The following C12orf43 variants were observed in gnomAD, a reference collection of about 807,000 sequenced individuals.
C12orf43 encodes the protein chromosome 12 open reading frame 43.
Under a neutral mutation model 20.6 loss-of-function variants are expected in C12orf43, and 15 were observed. The observed-to-expected ratio is 0.73, with a 90% CI of 0.49 to 1.12. C12orf43 has a LOEUF of 1.12. C12orf43 is among the 50% of genes most tolerant of loss of function. The probability of loss-of-function intolerance (pLI) is 0.00; values close to 1 mark genes in which losing one functional copy is unlikely to be tolerated. For missense variants in C12orf43, 334 were observed against 344.4 expected (o/e 0.97, Z 0.24); for synonymous variants, 144 against 130.8 (o/e 1.10, Z -0.69).
chr12:121,013,871 A>C (rs1868621641), intron 1 of C12orf43, among the ~76,000 whole-genome samples: 1 of 152,228 alleles, frequency 6.6e-6, no homozygotes, highest in Non-Finnish European at 1.5e-5. Flanking sequence ...ACCTTGGCCA[A>C]GTTATTTTAC....
rs1877763054 is a variant in C12orf43, at chr12:121,004,144, T to C, written c.*9A>G. 4.3e-6 allele frequency: 7 copies of C among 1,613,820 alleles called. No homozygotes were observed. Among genetic ancestry groups the C allele is most frequent in the Non-Finnish European group, 5.9e-6 (7 of 1,179,782 alleles). Reference sequence around the variant, plus strand: ...TGGAGCTGGCTGAGCCCTGTGCCCATGGCTGGGTTCAGTTTGCAGGTATAG... The same window carrying C: ...TGGAGCTGGCTGAGCCCTGTGCCCACGGCTGGGTTCAGTTTGCAGGTATAG... On this transcript the variant is annotated 3_prime_UTR_variant, in exon 6 of 6. Coordinates refer to ENST00000288757, the MANE Select transcript of C12orf43 (RefSeq NM_022895.3). This position sits in a 1 kb window ranked among gnomAD's most constrained non-coding sequence, Gnocchi z 5.6.
chr12:121,013,167 A>C (rs1868552194), intron 1 of C12orf43, among the ~76,000 whole-genome samples: 1 of 152,182 alleles, frequency 6.6e-6, no homozygotes, highest in African/African-American at 2.4e-5. Context: ...CAGAATGCTA[A>C]ACACGCCCCA....
chr12:121,006,583 C>T, intron 3 of C12orf43, 189 bp from the exon 4 acceptor site: 1 of 578,802 alleles, frequency 1.7e-6, no homozygotes. Flanking sequence ...AACTGCAGTG[C>T]TTCATTTCTT....
chr12:121,001,369 AC>A lies in C12orf43; in HGVS notation c.*2783del. On this transcript the variant is annotated 3_prime_UTR_variant, in exon 6 of 6. Transcript: ENST00000288757. ...AAAGGGAGGGCTCTGAGGCGCCCCA[AC>A]CCGTGGAGGCTGCTCGGGGTGCACA... 1.3e-6 allele frequency: 1 copy of A among 768,946 alleles called. No individual in the cohort carries two copies. Among genetic ancestry groups the A allele is most frequent in the Non-Finnish European group, 2.1e-6 (1 of 478,768 alleles). The allele number at this position is 768,946 out of a possible 1,614,324, so 47.6% of individuals were successfully genotyped here. A position where few individuals can be genotyped will look rare whatever the true frequency, so the allele number is the denominator to read the frequency against.
chr12:121,005,221 G>C lies in C12orf43; in HGVS notation c.362-128C>G. Reference sequence around the variant, plus strand: ...GAAAACGAAAGAAAGAAAAGATAAAGAGAAACAAAAAAAAAATTTTAAGAA... The same window carrying C: ...GAAAACGAAAGAAAGAAAAGATAAACAGAAACAAAAAAAAAATTTTAAGAA... On this transcript the variant is annotated intron_variant, in intron 4 of 5. Transcript: ENST00000288757. The surrounding 1 kb of genome is among the most constrained non-coding windows in gnomAD (Gnocchi z 5.6). The C allele has an allele frequency of 4.7e-5, 22 of 470,230 alleles. No homozygotes were observed. The highest frequency in any genetic ancestry group is 7.5e-5 in the East Asian group (2 of 26,790). 29.1% of individuals were successfully genotyped at this position (470,230 alleles called of 1,614,324 possible).
intron 2 of C12orf43, 35 bp from the exon 3 acceptor site, chr12:121,010,961 C>T (rs759358022): frequency 5.5e-5 from 88 of 1,610,242 alleles, no homozygotes; most frequent in Non-Finnish European, 6.8e-5. Context: ...ACTTCCTGCC[C>T]GCTCAGAAGC....
Position 121,000,784 on chromosome 12 carries a change from G to A in C12orf43, c.*3369C>T. On this transcript the variant is annotated 3_prime_UTR_variant, in exon 6 of 6. Transcript: ENST00000288757. ...CTAGATTAGTGTTTGACTCAGCCTA[G>A]CCAAGCCAACACGTACAACTACCTA... 2.1e-6 allele frequency: 1 copy of A among 481,714 alleles called. No individual in the cohort carries two copies. Among genetic ancestry groups the A allele is most frequent in the Non-Finnish European group, 3.8e-6 (1 of 260,132 alleles). 29.8% of individuals were successfully genotyped at this position (481,714 alleles called of 1,614,324 possible).
Position 121,002,385 on chromosome 12 carries a change from A to C in C12orf43, c.*1768T>G, listed in dbSNP as rs993023654. ...CTGCTGAGAACCTGGCCTTCAGTGT[A>C]CCGCGTCTACCCTGGGATTCAGGAA... On this transcript the variant is annotated 3_prime_UTR_variant, in exon 6 of 6. Transcript: ENST00000288757. 5.2e-5 allele frequency: 27 copies of C among 518,864 alleles called. No homozygotes were observed. Among genetic ancestry groups the C allele is most frequent in the Non-Finnish European group, 8.9e-5 (24 of 269,668 alleles). 32.1% of individuals were successfully genotyped at this position (518,864 alleles called of 1,614,324 possible). A position where few individuals can be genotyped will look rare whatever the true frequency, so the allele number is the denominator to read the frequency against.
Position 121,001,193 on chromosome 12 carries a change from C to T in C12orf43, c.*2960G>A. 1 of 1,614,004 alleles carries T rather than the reference C, an allele frequency of 6.2e-7. No homozygotes were observed. The highest frequency in any genetic ancestry group is 8.5e-7 in the Non-Finnish European group (1 of 1,179,974). On this transcript the variant is annotated 3_prime_UTR_variant, in exon 6 of 6. Transcript: ENST00000288757. Reference sequence around the variant, plus strand: ...CCAGATGGCCTCTTCCTCCCAGTAACCACGGCACCTGGGCCCTGGGGCCTG... The same window carrying T: ...CCAGATGGCCTCTTCCTCCCAGTAATCACGGCACCTGGGCCCTGGGGCCTG...
chr12:121,011,396 T>C (rs1311055216), intron 1 of C12orf43, among the ~76,000 whole-genome samples: 4 of 148,170 alleles, frequency 2.7e-5, no homozygotes, highest in Non-Finnish European at 5.9e-5. Context: ...ACATTATATA[T>C]ATATATATCT....
chr12:121,011,313 A>G (rs569816200), intron 1 of C12orf43, among the ~76,000 whole-genome samples, 167 bp from the exon 2 acceptor site: 21 of 149,030 alleles, frequency 1.4e-4, no homozygotes, highest in African/African-American at 5.1e-4. Flanking sequence ...ATAGTTATAT[A>G]CCCATAACTT....
At chr12:121,014,195 G>A (rs1868656810) in intron 1 of C12orf43, among the ~76,000 whole-genome samples, 1 of 151,844 alleles carries the variant, frequency 6.6e-6, no homozygotes, top group African/African-American at 2.4e-5. Flanking sequence ...AGCTGGGCCT[G>A]GTGGTGGGCA....
chr12:121,002,445 G>A lies in C12orf43; in HGVS notation c.*1708C>T, dbSNP rs1877565760. ...GGTGACCCGGCACCCCCTGCAGCTT[G>A]TAGCCAGCCGGGGCGAGTGGCACGT... is the stretch of plus-strand genomic sequence containing the variant. On this transcript the variant is annotated 3_prime_UTR_variant, in exon 6 of 6. Coordinates refer to ENST00000288757, the MANE Select transcript of C12orf43 (RefSeq NM_022895.3). The A allele has an allele frequency of 1.9e-6, 1 of 530,774 alleles. No individual in the cohort carries two copies. The highest frequency in any genetic ancestry group is 3.7e-6 in the Non-Finnish European group (1 of 273,278). The allele number at this position is 530,774 out of a possible 1,614,324, so 32.9% of individuals were successfully genotyped here.
In C12orf43 at chr12:121,003,852, A is replaced by G; in HGVS notation, c.*301T>C. 1 of 448,182 alleles carries G rather than the reference A, an allele frequency of 2.2e-6. No homozygotes were observed. The highest frequency in any genetic ancestry group is 2.4e-5 in the South Asian group (1 of 41,656). The allele number at this position is 448,182 out of a possible 1,614,324, so 27.8% of individuals were successfully genotyped here. The stretch of plus-strand genomic sequence containing the variant: ...TTCACCACTTGGCCACTAGTCTCAA[A>G]TAACTGGAAGGTTCCTTTTTTCCTG... On this transcript the variant is annotated 3_prime_UTR_variant, in exon 6 of 6. Transcript: ENST00000288757.
chr12:121,009,061 C>T (rs558400633), intron 3 of C12orf43, among the ~76,000 whole-genome samples: 1 of 152,336 alleles, frequency 6.6e-6, no homozygotes, highest in East Asian at 1.9e-4. Context: ...TCTCACGCTT[C>T]TTTGCTGTTG....
At chr12:121,016,181 T>G in intron 1 of C12orf43, 149 bp downstream of exon 1, 2 of 1,210,460 alleles carry the variant, frequency 1.7e-6, no homozygotes, top group Non-Finnish European at 2.4e-6. Flanking sequence ...CACCTGCCCA[T>G]GCTTTCAATC....
chr12:121,016,449 C>T lies in C12orf43; in HGVS notation c.26G>A (p.Ser9Asn), dbSNP rs759117035. 6.2e-7 allele frequency: 1 copy of T among 1,614,116 alleles called. No homozygotes were observed. The highest frequency in any genetic ancestry group is 8.5e-7 in the Non-Finnish European group (1 of 1,180,032). Residue 9 changes from serine to asparagine, a missense_variant, in exon 1 of 6, where the codon AGC becomes AAC. Physicochemically the swap from Ser to Asn is conservative, Grantham distance 46 (BLOSUM62 1). Transcript: ENST00000288757. Reference sequence around the variant, plus strand: ...ACTGCTGTTACTACTTTCCGAATCGCTCACTGTGCCACTGGGCGCCGCCAT... The same window carrying T: ...ACTGCTGTTACTACTTTCCGAATCGTTCACTGTGCCACTGGGCGCCGCCAT... The part of the protein sequence containing the change: MAAPSGTV[S>N]DSESSNSSSD...
intron 1 of C12orf43, among the ~76,000 whole-genome samples, chr12:121,015,072 G>T (rs1868778480): frequency 6.6e-6 from 1 of 152,174 alleles, no homozygotes; most frequent in Non-Finnish European, 1.5e-5. Flanking sequence ...GCCAAGCACT[G>T]TAGATTGCAT....
At position 121,007,665 on chromosome 12, in the gene C12orf43, C is replaced by A. The variant is rs546679678; in HGVS notation, c.288-1271G>T. 8.3e-4 allele frequency among the ~76,000 whole-genome samples: 126 copies of A among 152,358 alleles called. 1 individual carries two copies. Among genetic ancestry groups the A allele is most frequent in the African/African-American group, 2.8e-3 (116 of 41,574 alleles). ...AATAAACCACATTTCTCTAGAGGCA[C>A]AAGGCCAGGAAGCATGTGTCTGGTG... On this transcript the variant is annotated intron_variant, in intron 3 of 5. Coordinates refer to ENST00000288757, the MANE Select transcript of C12orf43 (RefSeq NM_022895.3).
Sources: allele counts gnomAD v4.1 joint callset (sites outside exome capture counted in the v4.1 genomes callset), GRCh38; gene constraint gnomAD v4.1.1; non-coding constraint Gnocchi (gnomAD v3.1); transcripts MANE v1.5; gene names NCBI Gene and HGNC (gene_info 2026-07-23, HGNC 2026-07-21).